The following ADAMTS6 variants were observed in gnomAD, a reference collection of about 807,000 sequenced individuals.
ADAMTS6 encodes the protein ADAM metallopeptidase with thrombospondin type 1 motif 6, also known as A disintegrin and metalloproteinase with thrombospondin motifs 6.
In ADAMTS6, 23 loss-of-function variants were observed where a neutral mutation model predicts 144.3. The observed-to-expected ratio is 0.16, with a 90% confidence interval of 0.11 to 0.23. The LOEUF is 0.23. ADAMTS6 is among the 10% of genes least tolerant of loss of function. The pLI, the probability that ADAMTS6 is intolerant of heterozygous loss-of-function variation, is 1.00. For synonymous variants in ADAMTS6, 444 were observed against 457.5 expected (o/e 0.97, Z 0.38); for missense variants, 999 against 1,379.6 (o/e 0.72, Z 4.37).
At chr5:65,296,156 C>T (rs73109253) in intron 10 of ADAMTS6, among the ~76,000 whole-genome samples, 192 of 152,210 alleles carry the variant, frequency 1.3e-3, no homozygotes, top group African/African-American at 4.5e-3. Context: ...TTAACAGTCT[C>T]TTAACAACAA....
intron 7 of ADAMTS6, among the ~76,000 whole-genome samples, chr5:65,420,966 TA>T (rs1479236499): frequency 2.6e-5 from 4 of 152,214 alleles, no homozygotes; most frequent in Admixed American, 1.3e-4. Context: ...TCTTACATGT[TA>T]AATGAGTCTC....
At chr5:65,305,335 G>T (rs532349610) in intron 9 of ADAMTS6, among the ~76,000 whole-genome samples, 61 of 152,220 alleles carry the variant, frequency 4.0e-4, no homozygotes, top group African/African-American at 1.4e-3. Context: ...AGGATACATA[G>T]GGATTCAAAT....
chr5:65,330,763 G>T (rs550775242), intron 8 of ADAMTS6, among the ~76,000 whole-genome samples: 16 of 152,150 alleles, frequency 1.1e-4, no homozygotes, highest in African/African-American at 3.6e-4. Flanking sequence ...TGCGAGACAG[G>T]CAAGAGTTGG....
intron 7 of ADAMTS6, among the ~76,000 whole-genome samples, chr5:65,371,622 G>T (rs1179644529): frequency 6.6e-6 from 1 of 152,128 alleles, no homozygotes; most frequent in Non-Finnish European, 1.5e-5. Context: ...GGGACTATGT[G>T]AAAAGACCAA....
chr5:65,299,261 T>A (rs1743143229), intron 10 of ADAMTS6, among the ~76,000 whole-genome samples: 1 of 152,128 alleles, frequency 6.6e-6, no homozygotes, highest in African/African-American at 2.4e-5. Context: ...TGACTTAAAT[T>A]CATTTAACAA....
At chr5:65,315,516 T>C (rs1482491441) in intron 9 of ADAMTS6, among the ~76,000 whole-genome samples, 1 of 152,032 alleles carries the variant, frequency 6.6e-6, no homozygotes, top group Non-Finnish European at 1.5e-5. Context: ...ACTTTAAATA[T>C]GAAAGTTTTA....
At position 65,392,878 on chromosome 5, in the gene ADAMTS6, A is replaced by T. The variant is rs139612957; in HGVS notation, c.1073+58597T>A. ...TGAGACATGATAATCATGAAATATT[A>T]AAATATTATATTTTACATGTCTTTC... On this transcript the variant is annotated intron_variant, in intron 7 of 24. Transcript: ENST00000381055. Among the ~76,000 whole-genome samples the T allele has an allele frequency of 5.3e-4, 81 of 152,304 alleles. No individual in the cohort carries two copies. The East Asian group carries it at 0.015, about 29-fold the overall frequency.
intron 9 of ADAMTS6, among the ~76,000 whole-genome samples, chr5:65,304,464 G>C (rs1443102484): frequency 6.6e-6 from 1 of 152,120 alleles, no homozygotes; most frequent in Admixed American, 6.6e-5. Context: ...CCAGGGTCTG[G>C]CTCTGTCACC....
intron 7 of ADAMTS6, among the ~76,000 whole-genome samples, chr5:65,380,675 G>A (rs1303282083): frequency 2.0e-5 from 3 of 152,140 alleles, no homozygotes; most frequent in African/African-American, 7.2e-5. Flanking sequence ...TTCTTTGTTT[G>A]CTGGTGAGAT....
intron 15 of ADAMTS6, among the ~76,000 whole-genome samples, chr5:65,230,867 T>TACATATATATGAAATATATATAAA (rs1758182294): frequency 1.4e-5 from 2 of 138,638 alleles, no homozygotes; most frequent in African/African-American, 5.2e-5. Context: ...ATATATATAA[T>TACATATATATGAAATATATATAAA]ACATATATAT....
At chr5:65,457,875 T>C (rs968271807) in intron 4 of ADAMTS6, among the ~76,000 whole-genome samples, 1 of 151,118 alleles carries the variant, frequency 6.6e-6, no homozygotes, top group East Asian at 2.0e-4. Context: ...TACAGGCGCG[T>C]GCCACGACGC....
intron 1 of ADAMTS6, among the ~76,000 whole-genome samples, chr5:65,477,889 A>T (rs567649513): frequency 6.6e-6 from 1 of 152,048 alleles, no homozygotes; most frequent in South Asian, 2.1e-4. Flanking sequence ...GCACTTTGAG[A>T]GGCTGAGATG....
intron 7 of ADAMTS6, among the ~76,000 whole-genome samples, chr5:65,406,184 T>C (rs1754464291): frequency 6.6e-6 from 1 of 152,194 alleles, no homozygotes; most frequent in Admixed American, 6.5e-5. Context: ...CAACACTATG[T>C]TAAATAGGAG....
At chr5:65,398,778 GAGCAAGAAAGAAAGAAAGAAAGAA>G (rs1435012354) in intron 7 of ADAMTS6, among the ~76,000 whole-genome samples, 8 of 44,052 alleles carry the variant, frequency 1.8e-4, no homozygotes, top group South Asian at 8.2e-4. Context: ...AAAGAAGAGA[GAGCAAGAAAGAAAGAAAGAAAGAA>G]AGAAAGAAAG....
At chr5:65,192,912 C>T (rs1755105818) in intron 21 of ADAMTS6, among the ~76,000 whole-genome samples, 2 of 151,912 alleles carry the variant, frequency 1.3e-5, no homozygotes, top group Non-Finnish European at 2.9e-5. Context: ...TCTTACTGTT[C>T]TCCCTTTTTG....
chr5:65,221,663 G>T (rs975765340), intron 18 of ADAMTS6, among the ~76,000 whole-genome samples: 1 of 152,046 alleles, frequency 6.6e-6, no homozygotes, highest in African/African-American at 2.4e-5. Context: ...CAAGAAAAAA[G>T]AAATAAAGGG....
chr5:65,321,922 G>A (rs1331640065), intron 9 of ADAMTS6, among the ~76,000 whole-genome samples: 2 of 151,588 alleles, frequency 1.3e-5, no homozygotes, highest in East Asian at 3.9e-4. Flanking sequence ...TGCCATCTTT[G>A]CCAGGCTGGT....
chr5:65,341,874 A>G (rs1245470490), intron 7 of ADAMTS6, among the ~76,000 whole-genome samples: 2 of 152,152 alleles, frequency 1.3e-5, no homozygotes, highest in Admixed American at 1.3e-4. Flanking sequence ...ACTACCAGAC[A>G]AGGAGACAAG....
intron 22 of ADAMTS6, among the ~76,000 whole-genome samples, chr5:65,177,523 C>T (rs1175405124): frequency 1.3e-5 from 2 of 152,144 alleles, no homozygotes; most frequent in East Asian, 3.9e-4. Context: ...GATAAAGACC[C>T]TAGTGTCAAC....
Sources: gnomAD v4.1 joint callset for allele counts (sites outside exome capture counted in the v4.1 genomes callset) on GRCh38, gnomAD v4.1.1 for gene constraint, MANE v1.5 for transcripts, NCBI Gene and HGNC (gene_info 2026-07-23, HGNC 2026-07-21) for gene names.